TSPAN9: variants seen among roughly 807,000 people sequenced by gnomAD.
The protein encoded by TSPAN9 is tetraspanin 9, also known as tetraspanin-9.
Under a neutral mutation model 31.0 loss-of-function variants are expected in TSPAN9, and 16 were observed. That is an observed-to-expected ratio of 0.52 (90% CI 0.35 to 0.78). The LOEUF is 0.78. Ranked by LOEUF, TSPAN9 falls within the 30% of genes least tolerant of loss-of-function variation. The pLI, the probability that TSPAN9 is intolerant of heterozygous loss-of-function variation, is 0.01. For missense variants in TSPAN9, 272 were observed against 312.5 expected (o/e 0.87, Z 0.98); for synonymous variants, 145 against 121.6 (o/e 1.19, Z -1.27).
intron 3 of TSPAN9, chr12:3,273,082 G>T (rs1862712882): frequency 6.6e-6 from 1 of 152,244 alleles, no homozygotes; most frequent in Admixed American, 6.5e-5. Flanking sequence ...GCTTTTCTCT[G>T]TGCTGGGGGC....
chr12:3,132,845 GC>G (rs1170411725), intron 2 of TSPAN9, among the ~76,000 whole-genome samples: 1 of 151,844 alleles, frequency 6.6e-6, no homozygotes, highest in East Asian at 1.9e-4. Context: ...CGTCCCCACC[GC>G]CCGCCTGTCA....
intron 3 of TSPAN9, among the ~76,000 whole-genome samples, chr12:3,224,634 C>T (rs1003490203): frequency 5.9e-5 from 9 of 152,182 alleles, no homozygotes; most frequent in African/African-American, 2.2e-4. Flanking sequence ...GCAGGATCCG[C>T]GTGGTTGATG....
In TSPAN9 at chr12:3,107,653, G is replaced by C. The variant is rs1418270688; in HGVS notation, c.-18+23934G>C. Among the ~76,000 whole-genome samples, 1 of 152,212 alleles carries C rather than the reference G, an allele frequency of 6.6e-6. No individual in the cohort carries two copies. Among genetic ancestry groups the C allele is most frequent in the Non-Finnish European group, 1.5e-5 (1 of 68,050 alleles). On this transcript the variant is annotated intron_variant, in intron 2 of 8. Transcript: ENST00000011898. This position sits in a 1 kb window ranked among gnomAD's most constrained non-coding sequence, Gnocchi z 4.1. ...TTCCCTGTGGGACTGCCAAGCTGCT[G>C]CAAGGACCTTTAGGTCACGCCCAGA...
intron 2 of TSPAN9, among the ~76,000 whole-genome samples, chr12:3,122,500 C>G (rs1255587003): frequency 2.0e-5 from 3 of 151,926 alleles, no homozygotes; most frequent in South Asian, 4.1e-4. Flanking sequence ...AAACTGGTCT[C>G]CTTCTGTCTT....
At chr12:3,114,356 A>G (rs1418459107) in intron 2 of TSPAN9, among the ~76,000 whole-genome samples, 4 of 152,204 alleles carry the variant, frequency 2.6e-5, no homozygotes, top group Non-Finnish European at 5.9e-5. Flanking sequence ...CAGGCAGGCC[A>G]TACAGAGACA....
intron 3 of TSPAN9, among the ~76,000 whole-genome samples, chr12:3,270,077 G>T (rs1591717225): frequency 6.6e-6 from 1 of 152,184 alleles, no homozygotes; most frequent in Admixed American, 6.5e-5. Flanking sequence ...GCTGTTCCTC[G>T]GACTTTGTTC....
intron 2 of TSPAN9, among the ~76,000 whole-genome samples, chr12:3,154,845 C>T (rs2098341443): frequency 6.6e-6 from 1 of 152,246 alleles, no homozygotes; most frequent in South Asian, 2.1e-4. Flanking sequence ...CCTGCATGCC[C>T]AGTCATCACT....
At chr12:3,158,072 G>A (rs1373164161) in intron 2 of TSPAN9, among the ~76,000 whole-genome samples, 8 of 152,158 alleles carry the variant, frequency 5.3e-5, no homozygotes, top group Admixed American at 2.0e-4. Flanking sequence ...AGGAGTTGGC[G>A]GCTTTTCAGT....
chr12:3,271,893 T>G (rs556576969), intron 3 of TSPAN9, among the ~76,000 whole-genome samples: 2 of 152,322 alleles, frequency 1.3e-5, no homozygotes, highest in Admixed American at 1.3e-4. Context: ...ATGATGAAGT[T>G]CTTGGCAGGT....
In TSPAN9 at chr12:3,080,428, C is replaced by T. The variant is rs541146183; in HGVS notation, c.-85+2975C>T. 2.6e-5 allele frequency among the ~76,000 whole-genome samples: 4 copies of T among 152,236 alleles called. No homozygotes were observed. In the East Asian group the frequency reaches 5.8e-4, roughly 22 times the overall value. On this transcript the variant is annotated intron_variant, in intron 1 of 8. Coordinates refer to ENST00000011898, the MANE Select transcript of TSPAN9 (RefSeq NM_006675.5). Reference sequence around the variant, plus strand: ...ACAGCTCACTGCAACCTCCGCCTCCCGGGTTCAAGCAATTCTCTGCCTCAG... The same window carrying T: ...ACAGCTCACTGCAACCTCCGCCTCCTGGGTTCAAGCAATTCTCTGCCTCAG...
At chr12:3,081,701 C>A (rs539552649) in intron 1 of TSPAN9, among the ~76,000 whole-genome samples, 1 of 152,068 alleles carries the variant, frequency 6.6e-6, no homozygotes, top group African/African-American at 2.4e-5. Flanking sequence ...TGCGGTGCCT[C>A]ACATCTGTAA....
At chr12:3,237,774 C>T (rs2098394574) in intron 3 of TSPAN9, among the ~76,000 whole-genome samples, 2 of 152,200 alleles carry the variant, frequency 1.3e-5, no homozygotes, top group African/African-American at 2.4e-5. Flanking sequence ...CTTCCGAAGC[C>T]AGAGGTGGGC....
intron 2 of TSPAN9, among the ~76,000 whole-genome samples, chr12:3,109,159 A>G (rs555547953): frequency 6.4e-4 from 97 of 151,584 alleles, no homozygotes; most frequent in African/African-American, 2.0e-3. Flanking sequence ...GATGGTCTCG[A>G]TCTCCTGACC....
At chr12:3,277,710 C>T (rs1862814532) in intron 3 of TSPAN9, among the ~76,000 whole-genome samples, 1 of 152,156 alleles carries the variant, frequency 6.6e-6, no homozygotes, top group Non-Finnish European at 1.5e-5. Flanking sequence ...CCGGCAGCCC[C>T]AGGGGTGCTG....
At position 3,172,235 on chromosome 12, in the gene TSPAN9, C is replaced by T. The variant is rs542025514; in HGVS notation, c.-17-28942C>T. The T allele has an allele frequency of 1.3e-5, 2 of 152,442 alleles. No individual in the cohort carries two copies. Among genetic ancestry groups the T allele is most frequent in the African/African-American group, 4.8e-5 (2 of 41,600 alleles). 9.4% of individuals were successfully genotyped at this position (152,442 alleles called of 1,614,324 possible). ...ACCCTTCCCCCGCCCCCACCCCAGC[C>T]TCAGCTCTCAGCGCACTGCTGGGGA... On this transcript the variant is annotated intron_variant, in intron 2 of 8. Coordinates refer to ENST00000011898, the MANE Select transcript of TSPAN9 (RefSeq NM_006675.5). The surrounding 1 kb of genome is among the most constrained non-coding windows in gnomAD (Gnocchi z 4.8).
chr12:3,235,648 G>A (rs967907876), intron 3 of TSPAN9, among the ~76,000 whole-genome samples: 1 of 152,146 alleles, frequency 6.6e-6, no homozygotes, highest in Non-Finnish European at 1.5e-5. Flanking sequence ...GGAAGGTGTC[G>A]ACTGCATCCT....
At position 3,201,275 on chromosome 12, in the gene TSPAN9, C is replaced by T. The variant is rs758706502; in HGVS notation, c.63+19C>T. The T allele has an allele frequency of 1.9e-6, 3 of 1,611,382 alleles. No homozygotes were observed. The highest frequency in any genetic ancestry group is 2.2e-5 in the South Asian group (2 of 91,028). Reference sequence around the variant, plus strand: ...ATTCTGGGTAAGTCCTTCCGTTTCTCTCTCCCTTCGCCCTCTTCTCCTCCT... The same window carrying T: ...ATTCTGGGTAAGTCCTTCCGTTTCTTTCTCCCTTCGCCCTCTTCTCCTCCT... On this transcript the variant is annotated intron_variant, in intron 3 of 8. Transcript: ENST00000011898.
intron 3 of TSPAN9, chr12:3,211,921 C>G: frequency 6.7e-7 from 1 of 1,502,250 alleles, no homozygotes; most frequent in Non-Finnish European, 9.1e-7. Context: ...GAGGCATGTT[C>G]TCGTGTGCGT....
intron 2 of TSPAN9, among the ~76,000 whole-genome samples, chr12:3,153,199 C>T (rs565640302): frequency 1.3e-5 from 2 of 152,284 alleles, no homozygotes; most frequent in Admixed American, 1.3e-4. Context: ...ACATTTCCTG[C>T]CTAGCCCTTA....
Sources: allele counts gnomAD v4.1 joint callset (sites outside exome capture counted in the v4.1 genomes callset), GRCh38; gene constraint gnomAD v4.1.1; non-coding constraint Gnocchi (gnomAD v3.1); transcripts MANE v1.5; gene names NCBI Gene and HGNC (gene_info 2026-07-23, HGNC 2026-07-21).